Variants in FGF13 observed in about 807,000 individuals in gnomAD.
FGF13 encodes the protein fibroblast growth factor homologous factor 2.
Under a neutral mutation model 19.5 loss-of-function variants are expected in FGF13, and 2 were observed. That is an observed-to-expected ratio of 0.10 (90% CI 0.04 to 0.32). FGF13 has a LOEUF of 0.32. FGF13 is among the 10% of genes least tolerant of loss of function. The pLI, the probability that FGF13 is intolerant of heterozygous loss-of-function variation, is 1.00. For missense variants in FGF13, 113 were observed against 192.7 expected, an observed-to-expected ratio of 0.59 and a Z score of 2.45; for synonymous variants, 72 against 76.9, an observed-to-expected ratio of 0.94 and a Z score of 0.33.
At chrX:138,932,603 C>T (rs1053537990) in intron 1 of FGF13, among the ~76,000 whole-genome samples, 5 of 109,644 alleles carry the variant, frequency 4.6e-5, no homozygotes, top group Non-Finnish European at 9.5e-5. Flanking sequence ...AGAGGGACTC[C>T]GTCTCAACCA....
At chrX:139,085,981 T>C (rs186925341) in intron 1 of FGF13, among the ~76,000 whole-genome samples, 33 of 112,632 alleles carry the variant, frequency 2.9e-4, no homozygotes, top group African/African-American at 1.1e-3. Context: ...TGCAAATACA[T>C]AGTATATATG....
intron 1 of FGF13, among the ~76,000 whole-genome samples, chrX:139,049,775 C>T (rs998956237): frequency 5.3e-5 from 6 of 112,369 alleles, no homozygotes; most frequent in African/African-American, 1.9e-4. Context: ...TTCGGAATCC[C>T]ATAGCATTCC....
At chrX:138,926,899 T>G (rs1457751007) in intron 1 of FGF13, among the ~76,000 whole-genome samples, 2 of 111,466 alleles carry the variant, frequency 1.8e-5, no homozygotes, top group Non-Finnish European at 3.8e-5. Flanking sequence ...GAGGTTGTAG[T>G]GAGCTGAGAT....
rs189664975 is a variant in FGF13 at position 138,898,296 on chromosome X, G to A, written c.-112-33646C>T. Among the ~76,000 whole-genome samples, 124 of 111,977 alleles carry A rather than the reference G, an allele frequency of 1.1e-3. 1 individual carries two copies. In the East Asian group the frequency reaches 0.013, roughly 12 times the overall value. On this transcript the variant is annotated intron_variant, in intron 1 of 2. Transcript: ENST00000421460. ...CACTACCTATATTATTTACTTATGC[G>A]TCATCAGTGACTAGTACAGGGTCAA...
rs1288189007 is a variant in FGF13 at position 138,626,274 on chromosome X, T to G, written c.*6576A>C. 1 of 111,901 alleles carries G rather than the reference T, an allele frequency of 8.9e-6. No individual in the cohort carries two copies. The highest frequency in any genetic ancestry group is 1.9e-5 in the Non-Finnish European group (1 of 53,159). The allele number at this position is 111,901 out of a possible 1,213,427, so 9.2% of individuals were successfully genotyped here. A position where few individuals can be genotyped will look rare whatever the true frequency, so the allele number is the denominator to read the frequency against. On this transcript the variant is annotated 3_prime_UTR_variant, in exon 5 of 5. Coordinates refer to ENST00000315930, the MANE Select transcript of FGF13 (RefSeq NM_004114.5). ...TCTGCCCCTCATTGTCCAGCTACAC[T>G]AGGCTAATTAATATTTTAGAGATAC... is the stretch of plus-strand genomic sequence containing the variant.
chrX:138,820,857 T>A (rs1419845537), intron 3 of FGF13, among the ~76,000 whole-genome samples: 2 of 110,670 alleles, frequency 1.8e-5, no homozygotes, highest in Non-Finnish European at 3.8e-5. Context: ...TGCTCCTAGA[T>A]AATGGAGAAT....
chrX:138,714,666 C>T (rs891673489), upstream of FGF13: 2 of 111,782 alleles, frequency 1.8e-5, no homozygotes, highest in African/African-American at 6.5e-5. Flanking sequence ...CGCGCGCACA[C>T]ACACACACAC....
At chrX:138,884,935 G>A (rs755335533) in intron 1 of FGF13, among the ~76,000 whole-genome samples, 1 of 111,850 alleles carries the variant, frequency 8.9e-6, no homozygotes, top group South Asian at 3.8e-4. Flanking sequence ...CACAGATGTC[G>A]AAAATGGCAC....
chrX:139,175,732 G>C (rs908155865), intron 1 of FGF13, among the ~76,000 whole-genome samples: 1 of 112,023 alleles, frequency 8.9e-6, no homozygotes, highest in African/African-American at 3.2e-5. Context: ...AACCAGCCTT[G>C]CATCCCAGGG....
At chrX:139,005,300 G>T (rs767300676) in intron 1 of FGF13, among the ~76,000 whole-genome samples, 26 of 104,402 alleles carry the variant, frequency 2.5e-4, no homozygotes, top group Middle Eastern at 5.7e-3. Context: ...ATAATCCAAG[G>T]AATTATTCTG....
At chrX:138,985,874 G>A (rs1301426530) in intron 1 of FGF13, among the ~76,000 whole-genome samples, 1 of 111,808 alleles carries the variant, frequency 8.9e-6, no homozygotes, top group Admixed American at 9.5e-5. Flanking sequence ...AAAATTAAAC[G>A]TGACTTTTTT....
chrX:138,655,351 G>A (rs2089425080), intron 3 of FGF13, among the ~76,000 whole-genome samples: 1 of 112,159 alleles, frequency 8.9e-6, no homozygotes. Flanking sequence ...CAGACAATCT[G>A]TGGATTATTG....
At chrX:139,046,009 T>C (rs1349440244) in intron 1 of FGF13, among the ~76,000 whole-genome samples, 2 of 112,027 alleles carry the variant, frequency 1.8e-5, no homozygotes, top group South Asian at 7.5e-4. Context: ...ACCAATTTTC[T>C]GTGTTAGGCC....
At chrX:138,917,221 G>T (rs1193408572) in intron 1 of FGF13, among the ~76,000 whole-genome samples, 4 of 111,660 alleles carry the variant, frequency 3.6e-5, no homozygotes, top group Non-Finnish European at 7.5e-5. Flanking sequence ...TTCATATGTT[G>T]AAGCCCTAAC....
At chrX:139,007,299 A>G (rs2092106442) in intron 1 of FGF13, among the ~76,000 whole-genome samples, 1 of 111,492 alleles carries the variant, frequency 9.0e-6, no homozygotes, top group Admixed American at 9.5e-5. Flanking sequence ...AAGAGGATAC[A>G]ATAATTATAA....
chrX:138,904,686 G>A (rs896767005), intron 1 of FGF13, among the ~76,000 whole-genome samples: 2 of 111,544 alleles, frequency 1.8e-5, no homozygotes, highest in South Asian at 7.5e-4. Flanking sequence ...GGTAGAACCT[G>A]GAGGCTGGAC....
At chrX:138,851,808 T>C in intron 3 of FGF13, among the ~76,000 whole-genome samples, 1 of 111,829 alleles carries the variant, frequency 8.9e-6, no homozygotes, top group East Asian at 2.8e-4. Context: ...TGATCCTATA[T>C]CTAGAAAACC....
chrX:139,139,599 T>C (rs930055949), intron 1 of FGF13, among the ~76,000 whole-genome samples: 1 of 112,356 alleles, frequency 8.9e-6, no homozygotes, highest in Non-Finnish European at 1.9e-5. Context: ...GTTCTACTTA[T>C]CTTAAAATGA....
At chrX:139,171,396 C>T (rs1172124766) in intron 1 of FGF13, among the ~76,000 whole-genome samples, 3 of 111,848 alleles carry the variant, frequency 2.7e-5, no homozygotes, top group African/African-American at 9.7e-5. Context: ...GCTGAAAAAA[C>T]TTGTGAAAGA....
Sources: allele counts gnomAD v4.1 joint callset (sites outside exome capture counted in the v4.1 genomes callset), GRCh38; gene constraint gnomAD v4.1.1; transcripts MANE v1.5; gene names NCBI Gene and HGNC (gene_info 2026-07-23, HGNC 2026-07-21).